DNAH14: variants seen among roughly 807,000 people sequenced by gnomAD.
The protein encoded by DNAH14 is axonemal beta dynein heavy chain 14.
In DNAH14, 478 loss-of-function variants were observed where a neutral mutation model predicts 520.9. The observed-to-expected ratio is 0.92, with a 90% CI of 0.85 to 0.99. The LOEUF is 0.99. Among genes scored for constraint, DNAH14 ranks in the 50% least tolerant of loss-of-function variants. The pLI is 0.00. For missense variants in DNAH14, 4,831 were observed against 5,234.5 expected (o/e 0.92, Z 2.38); for synonymous variants, 1,581 against 1,757.2 (o/e 0.90, Z 2.51).
At chr1:225,146,890 G>GTGTT (rs113550350) in intron 30 of DNAH14, among the ~76,000 whole-genome samples, 29,976 of 151,890 alleles carry the variant, frequency 0.2, 6,080 homozygotes, top group African/African-American at 0.51. Flanking sequence ...GCTCTGCTGA[G>GTGTT]TGGGCTTTTA....
At position 225,292,027 on chromosome 1, in the gene DNAH14, C is replaced by T. The variant is rs373801442; in HGVS notation, c.8469+1945C>T. Among the ~76,000 whole-genome samples the T allele has an allele frequency of 4.6e-5, 7 of 152,176 alleles. No homozygotes were observed. In the East Asian group the frequency reaches 1.2e-3, roughly 25 times the overall value. ...GATGAATCATTTGCAAATATTTTCT[C>T]CTATTCTGTAGTTTGTCTTTTCATT... On this transcript the variant is annotated intron_variant, in intron 55 of 85. Transcript: ENST00000682510.
At chr1:225,094,871 G>GAC in intron 21 of DNAH14, among the ~76,000 whole-genome samples, 1 of 141,852 alleles carries the variant, frequency 7.0e-6, no homozygotes, top group South Asian at 2.3e-4. Context: ...GACACAAACA[G>GAC]ACACTTTTCA....
At chr1:224,967,734 G>T in intron 6 of DNAH14, 151 bp downstream of exon 6, 1 of 1,550,088 alleles carries the variant, frequency 6.5e-7, no homozygotes, top group Non-Finnish European at 8.7e-7. Flanking sequence ...TTGGGAGCAT[G>T]TTATTTAATA....
At chr1:225,335,405 G>GTGTGTATGCACATATGCACGTGTGTACA (rs2094941158) in intron 66 of DNAH14, among the ~76,000 whole-genome samples, 2 of 61,926 alleles carry the variant, frequency 3.2e-5, no homozygotes, top group Non-Finnish European at 3.2e-5. Context: ...ATGTGTACAT[G>GTGTGTATGCACATATGCACGTGTGTACA]TGTGTGTATG....
chr1:225,174,307 T>G (rs1055151871), intron 36 of DNAH14, among the ~76,000 whole-genome samples: 2 of 152,188 alleles, frequency 1.3e-5, no homozygotes, highest in Non-Finnish European at 2.9e-5. Context: ...ATTCTTGCAA[T>G]CCATGAACAC....
chr1:225,241,495 T>C (rs894326219), intron 43 of DNAH14, among the ~76,000 whole-genome samples: 1 of 152,236 alleles, frequency 6.6e-6, no homozygotes, highest in African/African-American at 2.4e-5. Context: ...CATACATTGC[T>C]GAACAACTGG....
intron 27 of DNAH14, among the ~76,000 whole-genome samples, chr1:225,124,824 A>G (rs1418532535): frequency 1.3e-5 from 2 of 152,170 alleles, no homozygotes; most frequent in Non-Finnish European, 2.9e-5. Flanking sequence ...GCCTAGATCC[A>G]TCAGAGGAAT....
Position 225,144,597 on chromosome 1 carries a change from G to GA in DNAH14, c.4714dup (p.Thr1572AsnfsTer2), listed in dbSNP as rs1399265244. On this transcript the variant is annotated frameshift_variant, in exon 29 of 86. Transcript: ENST00000682510. LOFTEE classifies it high-confidence loss of function. ...TGTCCTGCCGGTCCAGCTGGTACAG[G>GA]AAAAACTGAGACTGTCAAAGATCTA... The GA allele has an allele frequency of 1.3e-6, 2 of 1,551,128 alleles. No homozygotes were observed. The highest frequency in any genetic ancestry group is 2.0e-5 in the Admixed American group (1 of 50,892).
At chr1:225,055,709 T>C (rs1334441626) in intron 17 of DNAH14, among the ~76,000 whole-genome samples, 49 of 110,146 alleles carry the variant, frequency 4.4e-4, no homozygotes, top group African/African-American at 1.7e-3. Flanking sequence ...CAATAGGCCC[T>C]GTTGTGTGAT....
intron 9 of DNAH14, among the ~76,000 whole-genome samples, chr1:225,006,567 G>A (rs548409937): frequency 5.3e-5 from 8 of 152,024 alleles, no homozygotes; most frequent in African/African-American, 9.6e-5. Flanking sequence ...GATGAAATAC[G>A]CCCTGGTCTC....
chr1:225,148,203 T>C (rs1459931464), intron 31 of DNAH14, among the ~76,000 whole-genome samples: 5 of 152,098 alleles, frequency 3.3e-5, no homozygotes, highest in Non-Finnish European at 4.4e-5. Context: ...CTTTGAGGAA[T>C]CGCCACACTG....
At chr1:225,012,159 C>A (rs981962815) in intron 10 of DNAH14, among the ~76,000 whole-genome samples, 3 of 152,090 alleles carry the variant, frequency 2.0e-5, no homozygotes, top group Non-Finnish European at 4.4e-5. Context: ...GTGACAAAAT[C>A]CCTCAGCATT....
At chr1:225,198,213 G>T (rs918028000) in intron 38 of DNAH14, among the ~76,000 whole-genome samples, 7 of 143,690 alleles carry the variant, frequency 4.9e-5, no homozygotes, top group Non-Finnish European at 1.1e-4. Flanking sequence ...TATGTCCCTT[G>T]TATGCCAATT....
intron 44 of DNAH14, among the ~76,000 whole-genome samples, chr1:225,254,690 CTG>C (rs1283261479): frequency 6.6e-6 from 1 of 152,204 alleles, no homozygotes; most frequent in Non-Finnish European, 1.5e-5. Flanking sequence ...CAATCTAAAA[CTG>C]AGAGTCCAGT....
chr1:225,152,249 A>G (rs1256131013), intron 32 of DNAH14, among the ~76,000 whole-genome samples, 176 bp downstream of exon 32: 1 of 152,172 alleles, frequency 6.6e-6, no homozygotes, highest in Non-Finnish European at 1.5e-5. Context: ...ACCTGTTCAT[A>G]TGGATAAGGA....
chr1:225,095,872 G>T (rs781749687), intron 21 of DNAH14, among the ~76,000 whole-genome samples: 9 of 152,182 alleles, frequency 5.9e-5, no homozygotes, highest in Non-Finnish European at 8.8e-5. Flanking sequence ...AGGACACAAA[G>T]AACACTTTCA....
intron 52 of DNAH14, among the ~76,000 whole-genome samples, chr1:225,274,597 A>T (rs1041143973): frequency 6.6e-6 from 1 of 152,206 alleles, no homozygotes; most frequent in Non-Finnish European, 1.5e-5. Context: ...GCTTATTACT[A>T]TCTTGGGAGA....
chr1:225,134,873 G>A (rs2078817127), intron 27 of DNAH14, among the ~76,000 whole-genome samples: 1 of 151,932 alleles, frequency 6.6e-6, no homozygotes, highest in Non-Finnish European at 1.5e-5. Flanking sequence ...TTGGTTGGTA[G>A]CCTATTTATT....
intron 21 of DNAH14, among the ~76,000 whole-genome samples, chr1:225,089,505 AT>A (rs1232177183): frequency 6.6e-6 from 1 of 150,854 alleles, no homozygotes; most frequent in African/African-American, 2.4e-5. Context: ...AAGAAAACAG[AT>A]TTAGAAAGGA....
Sources: allele counts gnomAD v4.1 joint callset (sites outside exome capture counted in the v4.1 genomes callset), GRCh38; gene constraint gnomAD v4.1.1; transcripts MANE v1.5; gene names NCBI Gene and HGNC (gene_info 2026-07-23, HGNC 2026-07-21).